The following RNF180 variants were observed in gnomAD, a reference collection of about 807,000 sequenced individuals.
RNF180 encodes the protein E3 ubiquitin-protein ligase RNF180.
A neutral mutation model predicts 59.2 loss-of-function variants in RNF180; 38 were observed. The observed-to-expected ratio is 0.64, with a 90% CI of 0.50 to 0.84. RNF180 has a LOEUF of 0.84. Ranked by LOEUF, RNF180 falls within the 40% of genes least tolerant of loss-of-function variation. RNF180 has a pLI of 0.00. For missense variants in RNF180, 705 were observed against 700.9 expected (o/e 1.01, Z -0.07); for synonymous variants, 262 against 240.3 (o/e 1.09, Z -0.84).
At chr5:64,265,454 G>A (rs1478951137) in intron 5 of RNF180, among the ~76,000 whole-genome samples, 1 of 152,132 alleles carries the variant, frequency 6.6e-6, no homozygotes, top group Non-Finnish European at 1.5e-5. Context: ...TGGCTAGCCA[G>A]TTTTCCCAAC....
At chr5:64,333,067 ATAGTT>A (rs1381395165) in intron 7 of RNF180, among the ~76,000 whole-genome samples, 1 of 152,252 alleles carries the variant, frequency 6.6e-6, no homozygotes, top group African/African-American at 2.4e-5. Flanking sequence ...AATGAAGAAA[ATAGTT>A]TAAGGACATT....
chr5:64,228,705 T>A (rs1473534794), intron 5 of RNF180, among the ~76,000 whole-genome samples: 1 of 152,102 alleles, frequency 6.6e-6, no homozygotes, highest in Non-Finnish European at 1.5e-5. Flanking sequence ...GTCATTACCC[T>A]AATATTATAC....
At chr5:64,352,881 G>A (rs1745871438) in intron 7 of RNF180, among the ~76,000 whole-genome samples, 1 of 151,856 alleles carries the variant, frequency 6.6e-6, no homozygotes, top group South Asian at 2.1e-4. Flanking sequence ...CATCACATAT[G>A]TAACCCATGG....
chr5:64,340,908 T>C (rs1745330425), intron 7 of RNF180, among the ~76,000 whole-genome samples: 1 of 152,126 alleles, frequency 6.6e-6, no homozygotes, highest in Non-Finnish European at 1.5e-5. Flanking sequence ...TTTCATTCTC[T>C]CCTTTCCTCC....
At chr5:64,225,591 G>A (rs1441668694) in intron 5 of RNF180, among the ~76,000 whole-genome samples, 2 of 139,318 alleles carry the variant, frequency 1.4e-5, no homozygotes, top group East Asian at 4.5e-4. Context: ...GAGCGCCTCT[G>A]CCTAGCCGCC....
chr5:64,321,066 A>G (rs1744322274), intron 5 of RNF180, among the ~76,000 whole-genome samples: 1 of 152,108 alleles, frequency 6.6e-6, no homozygotes. Context: ...AAAAATTATG[A>G]ATGGGCAAAA....
At chr5:64,289,076 G>A (rs1003422196) in intron 5 of RNF180, among the ~76,000 whole-genome samples, 1 of 152,124 alleles carries the variant, frequency 6.6e-6, no homozygotes, top group Admixed American at 6.6e-5. Flanking sequence ...TCAATACCTA[G>A]TTTGTTGAGA....
chr5:64,314,233 T>C (rs2112488940), intron 5 of RNF180, among the ~76,000 whole-genome samples: 1 of 152,222 alleles, frequency 6.6e-6, no homozygotes, highest in South Asian at 2.1e-4. Flanking sequence ...TTAGGGATGC[T>C]CAACCTGTAC....
chr5:64,364,482 T>C (rs1031815465), intron 7 of RNF180, among the ~76,000 whole-genome samples: 1 of 151,844 alleles, frequency 6.6e-6, no homozygotes, highest in Admixed American at 6.6e-5. Context: ...GCCAGTATTA[T>C]GTTGTGGATT....
At chr5:64,360,615 C>A (rs1348901492) in intron 7 of RNF180, among the ~76,000 whole-genome samples, 2 of 151,660 alleles carry the variant, frequency 1.3e-5, no homozygotes, top group Non-Finnish European at 3.0e-5. Context: ...AGGAAGAATT[C>A]TATTTTTATG....
chr5:64,347,830 C>G (rs75311959), intron 7 of RNF180, among the ~76,000 whole-genome samples: 3,569 of 152,172 alleles, frequency 0.023, 124 homozygotes, highest in African/African-American at 0.075. Context: ...GTTATTCACT[C>G]AAAAATAAAG....
chr5:64,198,647 A>G (rs914640014), intron 1 of RNF180, among the ~76,000 whole-genome samples: 2 of 152,164 alleles, frequency 1.3e-5, no homozygotes, highest in African/African-American at 2.4e-5. Context: ...TGATTCTGGT[A>G]TGAATCCTCC....
At chr5:64,351,314 G>A (rs1220410570) in intron 7 of RNF180, among the ~76,000 whole-genome samples, 1 of 152,074 alleles carries the variant, frequency 6.6e-6, no homozygotes, top group Non-Finnish European at 1.5e-5. Context: ...CTGAGATGAT[G>A]GGGTTTTCTA....
intron 5 of RNF180, among the ~76,000 whole-genome samples, chr5:64,272,316 C>G (rs1741460805): frequency 2.0e-5 from 3 of 151,870 alleles, no homozygotes; most frequent in South Asian, 4.2e-4. Context: ...TAGGAGTTAA[C>G]TAGGTAAAGA....
At chr5:64,258,952 T>A (rs1440567733) in intron 5 of RNF180, among the ~76,000 whole-genome samples, 1 of 152,048 alleles carries the variant, frequency 6.6e-6, no homozygotes, top group Non-Finnish European at 1.5e-5. Flanking sequence ...GCCAAGTAGG[T>A]AGGATATTTT....
intron 1 of RNF180, among the ~76,000 whole-genome samples, chr5:64,178,677 G>A (rs1750394559): frequency 6.6e-6 from 1 of 152,130 alleles, no homozygotes; most frequent in Non-Finnish European, 1.5e-5. Flanking sequence ...GTGTAGTATT[G>A]TTAAATGTGT....
At position 64,356,458 on chromosome 5, in the gene RNF180, G is replaced by A. The variant is rs143687213; in HGVS notation, c.1580-13157G>A. On this transcript the variant is annotated intron_variant, in intron 7 of 7. Coordinates refer to ENST00000389100, the MANE Select transcript of RNF180 (RefSeq NM_001113561.2). ...TTGCTGGGAGAAATGTAAATTCCTC[G>A]AAAAGCTAATCATAGAATTACCGTA... is the stretch of plus-strand genomic sequence containing the variant. 6.1e-3 allele frequency among the ~76,000 whole-genome samples: 925 copies of A among 151,856 alleles called. 3 individuals are homozygous for A. Among genetic ancestry groups the A allele is most frequent in the Middle Eastern group, 0.02 (6 of 294 alleles).
At chr5:64,247,803 C>T (rs1340921141) in intron 5 of RNF180, among the ~76,000 whole-genome samples, 1 of 152,158 alleles carries the variant, frequency 6.6e-6, no homozygotes, top group East Asian at 1.9e-4. Flanking sequence ...ATATCCAAGA[C>T]AATCCTAAGC....
chr5:64,201,882 G>T (rs1377226456), intron 2 of RNF180, among the ~76,000 whole-genome samples: 1 of 152,158 alleles, frequency 6.6e-6, no homozygotes, highest in South Asian at 2.1e-4. Flanking sequence ...TGGGATTACA[G>T]GTGCCTGCCA....
Sources: gnomAD v4.1 joint callset for allele counts (sites outside exome capture counted in the v4.1 genomes callset) on GRCh38, gnomAD v4.1.1 for gene constraint, MANE v1.5 for transcripts, NCBI Gene and HGNC (gene_info 2026-07-23, HGNC 2026-07-21) for gene names.